Variants in COL23A1 observed in about 807,000 individuals in gnomAD.
COL23A1 encodes collagen type XXIII alpha 1 chain.
A neutral mutation model predicts 99.3 loss-of-function variants in COL23A1; 97 were observed. The ratio of observed to expected loss-of-function variants is 0.98; its 90% confidence interval spans 0.83 to 1.16. The LOEUF (loss-of-function observed/expected upper bound fraction) is 1.16. Among genes scored for constraint, COL23A1 ranks in the 50% most tolerant of loss-of-function variants. The pLI is 0.00. For missense variants in COL23A1, 762 were observed against 757.4 expected (o/e 1.01, Z -0.07); for synonymous variants, 320 against 308.2 (o/e 1.04, Z -0.40).
chr5:178,475,113 A>G (rs1756960120), intron 2 of COL23A1, among the ~76,000 whole-genome samples: 1 of 152,230 alleles, frequency 6.6e-6, no homozygotes, highest in South Asian at 2.1e-4. Flanking sequence ...TTAAATGGAC[A>G]GCAATCATTG....
chr5:178,586,121 A>T (rs1264415224), intron 1 of COL23A1, among the ~76,000 whole-genome samples: 3 of 152,174 alleles, frequency 2.0e-5, no homozygotes, highest in African/African-American at 4.8e-5. Flanking sequence ...GCAGAGACTG[A>T]GTGGTACTCA....
chr5:178,329,084 G>A (rs1246743828), intron 2 of COL23A1, among the ~76,000 whole-genome samples: 3 of 152,136 alleles, frequency 2.0e-5, no homozygotes, highest in African/African-American at 7.2e-5. Context: ...CAGGCAGAAA[G>A]CCCCCCTCCA....
rs111461938 is a variant in COL23A1, at chr5:178,249,670, G to A, written c.1059+391C>T. Among the ~76,000 whole-genome samples, 1,219 of 148,342 alleles carry A rather than the reference G, an allele frequency of 8.2e-3. 12 individuals are homozygous for A. The highest frequency in any genetic ancestry group is 0.029 in the African/African-American group (1,133 of 39,132). The stretch of plus-strand genomic sequence containing the variant: ...CAAGTGACCCCACGAATATGCTTAC[G>A]TCTGTATAGGATAACACACACACAC... On this transcript the variant is annotated intron_variant, in intron 18 of 28. Coordinates refer to ENST00000390654, the MANE Select transcript of COL23A1 (RefSeq NM_173465.4).
chr5:178,388,663 C>T (rs1763798948), intron 2 of COL23A1, among the ~76,000 whole-genome samples: 1 of 152,122 alleles, frequency 6.6e-6, no homozygotes, highest in African/African-American at 2.4e-5. Flanking sequence ...TGGAGATGGG[C>T]CTTCTGACTC....
At chr5:178,563,501 C>A (rs116830709) in intron 1 of COL23A1, among the ~76,000 whole-genome samples, 3,457 of 151,234 alleles carry the variant, frequency 0.023, 135 homozygotes, top group African/African-American at 0.08. Flanking sequence ...AAAAGCTGCA[C>A]CCTTGAGCCG....
intron 2 of COL23A1, among the ~76,000 whole-genome samples, chr5:178,425,868 G>A (rs1765903062): frequency 6.6e-6 from 1 of 152,252 alleles, no homozygotes; most frequent in Non-Finnish European, 1.5e-5. Context: ...CCGTGGCAGA[G>A]GCATCTTCTG....
At chr5:178,577,916 G>C (rs1763463178) in intron 1 of COL23A1, among the ~76,000 whole-genome samples, 1 of 152,208 alleles carries the variant, frequency 6.6e-6, no homozygotes, top group Non-Finnish European at 1.5e-5. Flanking sequence ...GGTCTTTCGG[G>C]GACACTTGGA....
At position 178,428,533 on chromosome 5, in the gene COL23A1, G is replaced by A. The variant is rs138956925; in HGVS notation, c.362-121614C>T. On this transcript the variant is annotated intron_variant, in intron 2 of 28. Coordinates refer to ENST00000390654, the MANE Select transcript of COL23A1 (RefSeq NM_173465.4). This position sits in a 1 kb window ranked among gnomAD's most constrained non-coding sequence, Gnocchi z 5.0. ...CCTGTGCTCTGTGTCCAGGAGCCGC[G>A]GCAGGGTGCCCAGCGGGGCCTCTTG... Among the ~76,000 whole-genome samples the A allele has an allele frequency of 3.5e-3, 532 of 152,352 alleles. 3 individuals carry two copies. The highest frequency in any genetic ancestry group is 0.012 in the African/African-American group (499 of 41,582).
chr5:178,456,473 C>T (rs1319849256), intron 2 of COL23A1, among the ~76,000 whole-genome samples: 7 of 152,098 alleles, frequency 4.6e-5, no homozygotes, highest in South Asian at 2.1e-4. Flanking sequence ...CTGAGCTGGG[C>T]GGATCACCTG....
chr5:178,432,771 G>A (rs1766333388), intron 2 of COL23A1, among the ~76,000 whole-genome samples: 1 of 152,116 alleles, frequency 6.6e-6, no homozygotes, highest in Non-Finnish European at 1.5e-5. Flanking sequence ...GTCGTGCTGA[G>A]TGCCTGCCTG....
chr5:178,407,236 G>A (rs62389404), intron 2 of COL23A1, among the ~76,000 whole-genome samples: 17,888 of 152,182 alleles, frequency 0.12, 1,537 homozygotes, highest in East Asian at 0.45. Context: ...TAGTAACAAG[G>A]AGCCCCTCAC....
intron 2 of COL23A1, among the ~76,000 whole-genome samples, chr5:178,462,835 T>C (rs1033165484): frequency 2.0e-5 from 3 of 152,238 alleles, no homozygotes; most frequent in Admixed American, 6.5e-5. Flanking sequence ...AATGTCCCCA[T>C]GGTTCCGTCT....
At chr5:178,409,046 C>A (rs1455396511) in intron 2 of COL23A1, among the ~76,000 whole-genome samples, 2 of 148,718 alleles carry the variant, frequency 1.3e-5, no homozygotes, top group Admixed American at 6.7e-5. Context: ...CAATTGCACT[C>A]CTAGGTATTT....
At chr5:178,326,759 A>G (rs574424233) in intron 2 of COL23A1, among the ~76,000 whole-genome samples, 108 of 152,300 alleles carry the variant, frequency 7.1e-4, no homozygotes, top group Middle Eastern at 3.4e-3. Context: ...TCGCTCTGTC[A>G]CCCAGGCTGG....
intron 2 of COL23A1, among the ~76,000 whole-genome samples, chr5:178,521,974 T>C (rs656344): frequency 0.25 from 38,233 of 151,986 alleles, 6,052 homozygotes; most frequent in East Asian, 0.66. Flanking sequence ...GCCACCAAAT[T>C]GTACCCTTCA....
At chr5:178,551,956 G>A (rs6871004) in intron 2 of COL23A1, among the ~76,000 whole-genome samples, 19,608 of 152,048 alleles carry the variant, frequency 0.13, 1,456 homozygotes, top group African/African-American at 0.18. Context: ...AGTTCCCACC[G>A]GTGCTCGGAG....
Position 178,528,664 on chromosome 5 carries a change from G to T in COL23A1, c.361+32018C>A, listed in dbSNP as rs1760463327. Among the ~76,000 whole-genome samples the T allele has an allele frequency of 2.0e-5, 3 of 152,178 alleles. No individual in the cohort carries two copies. The South Asian group carries it at 6.2e-4, about 32-fold the overall frequency. The stretch of plus-strand genomic sequence containing the variant: ...CATCTCTACTAAAAATACAAAATTA[G>T]CAGGGCATAGTGGCACGTGCCTGTA... On this transcript the variant is annotated intron_variant, in intron 2 of 28. Coordinates refer to ENST00000390654, the MANE Select transcript of COL23A1 (RefSeq NM_173465.4).
intron 12 of COL23A1, among the ~76,000 whole-genome samples, chr5:178,259,301 G>A (rs1172035393): frequency 6.6e-6 from 1 of 152,106 alleles, no homozygotes; most frequent in Non-Finnish European, 1.5e-5. Context: ...GGAGGATAAT[G>A]CTCATTCAGT....
At chr5:178,556,230 G>A (rs1004173958) in intron 2 of COL23A1, among the ~76,000 whole-genome samples, 1 of 152,088 alleles carries the variant, frequency 6.6e-6, no homozygotes, top group South Asian at 2.1e-4. Context: ...CAAAGAGAAA[G>A]GGCAAACCCA....
Sources: gnomAD v4.1 joint callset for allele counts (sites outside exome capture counted in the v4.1 genomes callset) on GRCh38, gnomAD v4.1.1 for gene constraint, Gnocchi (gnomAD v3.1) non-coding constraint, MANE v1.5 for transcripts, NCBI Gene and HGNC (gene_info 2026-07-23, HGNC 2026-07-21) for gene names.